Variants in SAFB observed in about 807,000 individuals in gnomAD.
The protein encoded by SAFB is scaffold attachment factor B, also known as scaffold attachment factor B1.
In SAFB, 15 loss-of-function variants were observed where a neutral mutation model predicts 101.6. That is an observed-to-expected ratio of 0.15 (90% confidence interval 0.10 to 0.23). SAFB has a LOEUF of 0.23. SAFB is among the 10% of genes least tolerant of loss of function. The pLI, the probability that SAFB is intolerant of heterozygous loss-of-function variation, is 1.00. For missense variants in SAFB, 930 were observed against 1,104.1 expected (o/e 0.84, Z 2.23); for synonymous variants, 449 against 407.5 (o/e 1.10, Z -1.23).
chr19:5,637,850 C>T (rs1402316995), intron 2 of SAFB, among the ~76,000 whole-genome samples: 1 of 152,148 alleles, frequency 6.6e-6, no homozygotes, highest in East Asian at 1.9e-4. Context: ...CTACATTATG[C>T]CTTGCCTTTG....
At chr19:5,645,862 G>C (rs578118569) in intron 5 of SAFB, among the ~76,000 whole-genome samples, 2 of 152,130 alleles carry the variant, frequency 1.3e-5, no homozygotes, top group African/African-American at 2.4e-5. Context: ...CTTGTCTTTG[G>C]GAAGTTTTTT....
At position 5,661,801 on chromosome 19, in the gene SAFB, CT is replaced by C; in HGVS notation, c.2147del (p.Leu716ArgfsTer56). On this transcript the variant is annotated frameshift_variant, in exon 15 of 21. Transcript: ENST00000588852. LOFTEE classifies it high-confidence loss of function. ...GCCCGCGGTGCGGCGGCCCTACGAC[CT>C]GGACCGGTAAGCAGATCCATGCTGC... The part of the protein sequence containing the change: ...RRPAVRRPYD[L>X]DRRDDAYWPE... 6.5e-7 allele frequency: 1 copy of C among 1,544,982 alleles called. No homozygotes were observed.
In SAFB at chr19:5,664,268, C is replaced by T; in HGVS notation, c.2291+109C>T. 9 of 1,433,948 alleles carry T rather than the reference C, an allele frequency of 6.3e-6. 1 individual carries two copies. The South Asian group carries it at 9.4e-5, about 15-fold the overall frequency. The allele number at this position is 1,433,948 out of a possible 1,614,324, so 88.8% of individuals were successfully genotyped here. A position where few individuals can be genotyped will look rare whatever the true frequency, so the allele number is the denominator to read the frequency against. ...ACCCACTCCGTTCATCAGATGTATG[C>T]TGAGTCAGACCCGCAGGTCTCCTGC... On this transcript the variant is annotated intron_variant, in intron 16 of 20. Coordinates refer to ENST00000588852, the MANE Select transcript of SAFB (RefSeq NM_001201338.2).
At chr19:5,636,213 G>A (rs188616575) in intron 2 of SAFB, among the ~76,000 whole-genome samples, 3 of 152,104 alleles carry the variant, frequency 2.0e-5, no homozygotes, top group Admixed American at 2.0e-4. Context: ...CCCTCCTGAG[G>A]AAGAGAGAAC....
intron 5 of SAFB, 67 bp downstream of exon 5, chr19:5,645,466 C>A: frequency 3.9e-6 from 3 of 771,316 alleles, no homozygotes; most frequent in South Asian, 1.5e-5. Flanking sequence ...GAATCCATTT[C>A]AGACACCATA....
At chr19:5,632,450 G>A (rs2053510023) in intron 2 of SAFB, among the ~76,000 whole-genome samples, 1 of 152,130 alleles carries the variant, frequency 6.6e-6, no homozygotes, top group Non-Finnish European at 1.5e-5. Flanking sequence ...AACTGTAGAT[G>A]TCCAGATCAG....
At chr19:5,635,920 T>C (rs1245798368) in intron 2 of SAFB, among the ~76,000 whole-genome samples, 2 of 152,156 alleles carry the variant, frequency 1.3e-5, no homozygotes, top group African/African-American at 4.8e-5. Context: ...TTTTCCCATT[T>C]GCATTCATTT....
In SAFB at chr19:5,650,985, C is replaced by T; in HGVS notation, c.1206C>T (p.Ser402=). ...AATTTTCTTTTGAAATAGGTCGCAG[C>T]AGTTGTGGTAGAAATTTCTGGGTTA... ...KRLSKEEKGR[S]SCGRNFWVSG... Residue 402 remains serine (S), a synonymous_variant, in exon 9 of 21, where the codon AGC becomes AGT. Coordinates refer to ENST00000588852, the MANE Select transcript of SAFB (RefSeq NM_001201338.2). The T allele has an allele frequency of 6.3e-7, 1 of 1,597,948 alleles. No individual in the cohort carries two copies. The highest frequency in any genetic ancestry group is 1.7e-4 in the Middle Eastern group (1 of 6,022).
At chr19:5,664,555 AAAGT>A in intron 17 of SAFB, 116 bp downstream of exon 17, 1 of 803,052 alleles carries the variant, frequency 1.2e-6, no homozygotes, top group Non-Finnish European at 2.1e-6. Context: ...AGGAAAGAGA[AAAGT>A]AAAGCACTAG....
chr19:5,663,880 C>G, intron 15 of SAFB, 142 bp from the exon 16 acceptor site: 1 of 874,178 alleles, frequency 1.1e-6, no homozygotes, highest in East Asian at 2.6e-5. Flanking sequence ...GGGGTCAAAT[C>G]AGACCTTGCC....
At chr19:5,642,799 G>A (rs2053751440) in intron 4 of SAFB, among the ~76,000 whole-genome samples, 1 of 151,222 alleles carries the variant, frequency 6.6e-6, no homozygotes, top group Non-Finnish European at 1.5e-5. Context: ...GTGAGTAGCT[G>A]GGATTATAGG....
rs149929580 is a variant in SAFB, at chr19:5,667,780, G to A, written c.2558-40G>A. On this transcript the variant is annotated intron_variant, in intron 19 of 20. Coordinates refer to ENST00000588852, the MANE Select transcript of SAFB (RefSeq NM_001201338.2). This position sits in a 1 kb window ranked among gnomAD's most constrained non-coding sequence, Gnocchi z 4.0. ...AAATGTGCCGTGGGTTCCACGCCGTGTGCGCAAGTTCCCTGTGTGAAAGCA... is the reference window on the plus strand; with the variant it reads ...AAATGTGCCGTGGGTTCCACGCCGTATGCGCAAGTTCCCTGTGTGAAAGCA... The A allele has an allele frequency of 2.4e-5, 39 of 1,608,450 alleles. No homozygotes were observed. The East Asian group carries it at 8.0e-4, about 33-fold the overall frequency.
chr19:5,655,984 T>C (rs2054050109), intron 13 of SAFB, among the ~76,000 whole-genome samples: 1 of 152,238 alleles, frequency 6.6e-6, no homozygotes, highest in African/African-American at 2.4e-5. Flanking sequence ...TGATCTTATA[T>C]GAAGTTTTCG....
chr19:5,648,382 G>A (rs952851307), intron 6 of SAFB: 3 of 327,600 alleles, frequency 9.2e-6, no homozygotes, highest in Non-Finnish European at 1.7e-5. Context: ...AACAGATCTT[G>A]TGATATTGGG....
Position 5,664,642 on chromosome 19 carries a change from C to T in SAFB, c.2334+203C>T, listed in dbSNP as rs1046457567. ...TCTTGGCTGTCAGTCCAAACAGTTA[C>T]TCTGAAGCTGTTTTTAGCCTTGACC... On this transcript the variant is annotated intron_variant, in intron 17 of 20. Transcript: ENST00000588852. 1.1e-5 allele frequency: 6 copies of T among 538,190 alleles called. No individual in the cohort carries two copies. In the Admixed American group the frequency reaches 1.5e-4, roughly 14 times the overall value. The allele number at this position is 538,190 out of a possible 1,614,324, so 33.3% of individuals were successfully genotyped here.
intron 6 of SAFB, 68 bp downstream of exon 6, chr19:5,648,111 T>C: frequency 7.7e-7 from 1 of 1,305,162 alleles, no homozygotes; most frequent in South Asian, 1.3e-5. Context: ...TTCTCTAATT[T>C]GAATTCTTTG....
At chr19:5,637,111 G>A (rs1036343073) in intron 2 of SAFB, among the ~76,000 whole-genome samples, 4 of 143,866 alleles carry the variant, frequency 2.8e-5, no homozygotes, top group Admixed American at 2.0e-4. Context: ...TCGGGAGGCC[G>A]AGGCGGGTGG....
chr19:5,635,496 G>A (rs530589014), intron 2 of SAFB, among the ~76,000 whole-genome samples: 3 of 152,264 alleles, frequency 2.0e-5, no homozygotes, highest in Non-Finnish European at 1.5e-5. Flanking sequence ...AGGGAAAAGG[G>A]AAGGTATTAT....
At chr19:5,650,587 A>G (rs933619118) in intron 8 of SAFB, among the ~76,000 whole-genome samples, 2 of 151,954 alleles carry the variant, frequency 1.3e-5, no homozygotes, top group African/African-American at 4.8e-5. Flanking sequence ...GATTTTTTGT[A>G]TTTTTAGTAG....
Sources: allele counts gnomAD v4.1 joint callset (sites outside exome capture counted in the v4.1 genomes callset), GRCh38; gene constraint gnomAD v4.1.1; non-coding constraint Gnocchi (gnomAD v3.1); transcripts MANE v1.5; gene names NCBI Gene and HGNC (gene_info 2026-07-23, HGNC 2026-07-21).